The following PTPN13 variants were observed in gnomAD, a reference collection of about 807,000 sequenced individuals.
The protein encoded by PTPN13 is tyrosine-protein phosphatase non-receptor type 13.
Under a neutral mutation model 284.0 loss-of-function variants are expected in PTPN13, and 191 were observed. The observed-to-expected ratio is 0.67, with a 90% CI of 0.60 to 0.76. The LOEUF is 0.76. Ranked by LOEUF, PTPN13 falls within the 30% of genes least tolerant of loss-of-function variation. PTPN13 has a pLI of 0.00. For synonymous variants in PTPN13, 986 were observed against 1,022.3 expected, an observed-to-expected ratio of 0.96 and a Z score of 0.68; for missense variants, 2,797 against 2,939.9, an observed-to-expected ratio of 0.95 and a Z score of 1.12.
At position 86,807,737 on chromosome 4, in the gene PTPN13, T is replaced by C; in HGVS notation, c.6923T>C (p.Met2308Thr). The change falls in exon 45 of 48, where the codon ATG becomes ACG. Residue 2308 changes from methionine to threonine, a missense_variant. Met to Thr is a moderately conservative substitution (Grantham distance 81, BLOSUM62 -1). Coordinates refer to ENST00000411767, the MANE Select transcript of PTPN13 (RefSeq NM_080683.3). ...CAAAAATCCACAGTGATAGCCATGA[T>C]GACTCAAGAAGTAGAAGGAGAAAAA... ...WEQKSTVIAM[M>T]TQEVEGEKIK... is the part of the protein sequence containing the mutation. The C allele has an allele frequency of 3.1e-6, 5 of 1,614,032 alleles. No individual in the cohort carries two copies. Among genetic ancestry groups the C allele is most frequent in the Non-Finnish European group, 4.2e-6 (5 of 1,179,890 alleles).
At chr4:86,637,981 C>T (rs1178826220) in intron 2 of PTPN13, among the ~76,000 whole-genome samples, 2 of 151,998 alleles carry the variant, frequency 1.3e-5, no homozygotes, top group Admixed American at 6.6e-5. Context: ...CTTCAGCAGT[C>T]TCAGGATACA....
At chr4:86,628,093 G>C (rs569282977) in intron 1 of PTPN13, among the ~76,000 whole-genome samples, 10 of 152,238 alleles carry the variant, frequency 6.6e-5, no homozygotes, top group African/African-American at 2.4e-4. Flanking sequence ...GGAATGGCTA[G>C]GTCATATGTT....
intron 1 of PTPN13, among the ~76,000 whole-genome samples, chr4:86,600,665 T>G (rs1206925740): frequency 1.3e-5 from 2 of 151,998 alleles, no homozygotes; most frequent in Non-Finnish European, 2.9e-5. Flanking sequence ...GTGTTAAAGA[T>G]ATTCAAAGTT....
rs541842417 is a variant in PTPN13 at position 86,758,071 on chromosome 4, C to T, written c.3224-189C>T. ...TAGCTTATGAAGAATAAATGTAATACGTAGTCATTTTATAAATTATAAATC... is the reference window on the plus strand; with the variant it reads ...TAGCTTATGAAGAATAAATGTAATATGTAGTCATTTTATAAATTATAAATC... On this transcript the variant is annotated intron_variant, in intron 20 of 47. Transcript: ENST00000411767. Among the ~76,000 whole-genome samples, 24 of 152,066 alleles carry T rather than the reference C, an allele frequency of 1.6e-4. 1 individual carries two copies. In the South Asian group the frequency reaches 2.1e-3, roughly 13 times the overall value.
intron 7 of PTPN13, among the ~76,000 whole-genome samples, chr4:86,713,965 A>C (rs535486715): frequency 6.6e-6 from 1 of 152,076 alleles, no homozygotes; most frequent in Non-Finnish European, 1.5e-5. Context: ...AGGTTTGCAG[A>C]CTAGCAAAAA....
chr4:86,647,915 A>G (rs1051456811), intron 2 of PTPN13, among the ~76,000 whole-genome samples: 18 of 152,074 alleles, frequency 1.2e-4, no homozygotes, highest in Non-Finnish European at 1.5e-5. Flanking sequence ...ATTGTGAGAA[A>G]ATAAATTTCT....
At chr4:86,630,155 A>G (rs896094322) in intron 1 of PTPN13, among the ~76,000 whole-genome samples, 2 of 152,138 alleles carry the variant, frequency 1.3e-5, no homozygotes, top group Non-Finnish European at 2.9e-5. Flanking sequence ...GTATAATCTC[A>G]TTTTCAAATT....
chr4:86,734,801 C>T lies in PTPN13; in HGVS notation c.2077C>T (p.His693Tyr). 6.2e-7 allele frequency: 1 copy of T among 1,613,376 alleles called. No homozygotes were observed. The highest frequency in any genetic ancestry group is 8.5e-7 in the Non-Finnish European group (1 of 1,179,474). ...LRKDILEERM[H>Y]CDDETSLLLA... ...AAAAGATATTTTGGAGGAAAGGATG[C>T]ACTGTGATGATGAGACTTCCTTATT... is the stretch of plus-strand genomic sequence containing the variant. The change falls in exon 14 of 48, where the codon CAC becomes TAC. Residue 693 changes from histidine to tyrosine, a missense_variant. Physicochemically the swap from His to Tyr is moderately conservative, Grantham distance 83. Transcript: ENST00000411767.
At chr4:86,631,157 G>A (rs1406621440) in intron 1 of PTPN13, among the ~76,000 whole-genome samples, 1 of 152,108 alleles carries the variant, frequency 6.6e-6, no homozygotes, top group Non-Finnish European at 1.5e-5. Flanking sequence ...TTATATATCT[G>A]TACTCCCAAG....
chr4:86,607,158 A>T (rs979608289), intron 1 of PTPN13, among the ~76,000 whole-genome samples: 7 of 151,754 alleles, frequency 4.6e-5, no homozygotes, highest in South Asian at 4.2e-4. Context: ...TCTTTTTTTT[A>T]AAAAAAGTCT....
Position 86,810,002 on chromosome 4 carries a change from G to A in PTPN13, c.7299+18G>A, listed in dbSNP as rs775747927. ...ATCTTGATGTGAGTACAAGATATTGGCTGAGTAAGCATTTGTTCAGAAATA... is the reference window on the plus strand; with the variant it reads ...ATCTTGATGTGAGTACAAGATATTGACTGAGTAAGCATTTGTTCAGAAATA... On this transcript the variant is annotated intron_variant, in intron 46 of 47. Transcript: ENST00000411767. 1.3e-6 allele frequency: 2 copies of A among 1,591,446 alleles called. No homozygotes were observed. Among genetic ancestry groups the A allele is most frequent in the South Asian group, 1.1e-5 (1 of 89,580 alleles).
Position 86,693,595 on chromosome 4 carries a change from G to T in PTPN13, c.555G>T (p.Gln185His). ...LVLGNLSGTD[Q>H]LSCNSEQKPD... ...TTATTACCTGTGTACAGACAGATCA[G>T]CTTTCCTGTAACAGTGAACAAAAGC... Residue 185 changes from glutamine to histidine, a missense_variant, in exon 6 of 48, where the codon CAG (glutamine) becomes CAT (histidine). Coordinates refer to ENST00000411767, the MANE Select transcript of PTPN13 (RefSeq NM_080683.3). 6.5e-7 allele frequency: 1 copy of T among 1,549,226 alleles called. No individual in the cohort carries two copies. The highest frequency in any genetic ancestry group is 8.7e-7 in the Non-Finnish European group (1 of 1,143,408).
In PTPN13 at chr4:86,672,383, C is replaced by T. The variant is rs770904858; in HGVS notation, c.134C>T (p.Ala45Val). The change falls in exon 3 of 48, where the codon GCT becomes GTT. Residue 45 changes from alanine (A) to valine (V), a missense_variant. Transcript: ENST00000411767. ...AAACCAGTAAGCCTAGCTGATCCTG[C>T]TGCCCTTGGCTTCATCATTTCTCCA... ...LFRKVSLADP[A>V]ALGFIISPWS... 9.0e-6 allele frequency: 14 copies of T among 1,550,462 alleles called. No homozygotes were observed. The highest frequency in any genetic ancestry group is 1.0e-5 in the Non-Finnish European group (12 of 1,147,014).
At chr4:86,790,752 A>G (rs1434633201) in intron 40 of PTPN13, among the ~76,000 whole-genome samples, 1 of 152,174 alleles carries the variant, frequency 6.6e-6, no homozygotes, top group East Asian at 1.9e-4. Flanking sequence ...ATAAAAGTAG[A>G]CAGGGGCCAG....
chr4:86,789,591 ACT>A (rs1334189882), intron 40 of PTPN13, among the ~76,000 whole-genome samples: 1 of 152,092 alleles, frequency 6.6e-6, no homozygotes, highest in African/African-American at 2.4e-5. Flanking sequence ...TGTCTCCTCT[ACT>A]CTCAAGTTAC....
At chr4:86,621,112 C>T (rs1013973803) in intron 1 of PTPN13, among the ~76,000 whole-genome samples, 35 of 152,142 alleles carry the variant, frequency 2.3e-4, no homozygotes, top group African/African-American at 8.0e-4. Context: ...ATTCTGTACA[C>T]TTAGAAGGCA....
At chr4:86,724,641 G>C (rs1401620097) in intron 10 of PTPN13, among the ~76,000 whole-genome samples, 1 of 152,046 alleles carries the variant, frequency 6.6e-6, no homozygotes, top group African/African-American at 2.4e-5. Flanking sequence ...ATATTTTTGA[G>C]GCTGAAAAGG....
intron 47 of PTPN13, among the ~76,000 whole-genome samples, chr4:86,814,152 G>A (rs548452007): frequency 5.3e-5 from 8 of 151,502 alleles, no homozygotes; most frequent in South Asian, 2.1e-4. Context: ...GACTACAGGC[G>A]CGTGCCACGA....
intron 17 of PTPN13, among the ~76,000 whole-genome samples, 180 bp downstream of exon 17, chr4:86,745,308 C>G (rs1240548020): frequency 3.9e-5 from 6 of 152,154 alleles, no homozygotes; most frequent in African/African-American, 1.4e-4. Context: ...CATGTTCACC[C>G]TGAGAGAATA....
Sources: gnomAD v4.1 joint callset for allele counts (sites outside exome capture counted in the v4.1 genomes callset) on GRCh38, gnomAD v4.1.1 for gene constraint, MANE v1.5 for transcripts, NCBI Gene and HGNC (gene_info 2026-07-23, HGNC 2026-07-21) for gene names.